Variants in CHAF1B observed in about 807,000 individuals in gnomAD.
The protein encoded by CHAF1B is chromatin assembly factor 1 subunit B, also known as CAF-1 subunit B.
In CHAF1B, 10 loss-of-function variants were observed where a neutral mutation model predicts 60.7. That is an observed-to-expected ratio of 0.16 (90% CI 0.10 to 0.28). CHAF1B has a LOEUF of 0.28. Ranked by LOEUF, CHAF1B falls within the 10% of genes least tolerant of loss-of-function variation. The probability of loss-of-function intolerance (pLI) is 1.00; values close to 1 mark genes in which losing one functional copy is unlikely to be tolerated. For missense variants in CHAF1B, 558 were observed against 708.4 expected (o/e 0.79, Z 2.41); for synonymous variants, 261 against 266.1 (o/e 0.98, Z 0.19).
chr21:36,404,498 G>C (rs1268817766), intron 8 of CHAF1B, among the ~76,000 whole-genome samples: 12 of 142,242 alleles, frequency 8.4e-5, no homozygotes, highest in South Asian at 2.3e-4. Context: ...GCAATGGCAC[G>C]ATCTCGGCTC....
rs55920360 is a variant in CHAF1B at position 36,391,907 on chromosome 21, A to ATTTTTT, written c.377+264_377+269dup. ...GCTACCATGCCCTGCTGATTTTTAAATTTTTTTTTTTTTTTTTTTTTTTTT... is the reference window on the plus strand; with the variant it reads ...GCTACCATGCCCTGCTGATTTTTAAATTTTTTTTTTTTTTTTTTTTTTTTTTTTTTT... On this transcript the variant is annotated intron_variant, in intron 4 of 13. Transcript: ENST00000314103. Among the ~76,000 whole-genome samples the ATTTTTT allele has an allele frequency of 7.5e-4, 50 of 67,034 alleles. 1 individual carries two copies. The highest frequency in any genetic ancestry group is 3.4e-3 in the African/African-American group (43 of 12,524). The allele number at this position is 67,034 out of a possible 152,430, so 44.0% of individuals were successfully genotyped here.
intron 3 of CHAF1B, among the ~76,000 whole-genome samples, chr21:36,389,803 G>A (rs536333514): frequency 1.3e-5 from 2 of 150,416 alleles, no homozygotes; most frequent in Non-Finnish European, 3.0e-5. Context: ...GTGTGTGTGC[G>A]CGCGCACGCT....
chr21:36,407,216 C>T (rs568111226), intron 8 of CHAF1B, among the ~76,000 whole-genome samples: 53 of 151,838 alleles, frequency 3.5e-4, no homozygotes, highest in African/African-American at 1.1e-3. Flanking sequence ...GCAGGAGAAT[C>T]GCTCCAACCC....
Position 36,415,383 on chromosome 21 carries a change from C to G in CHAF1B, c.1582C>G (p.Gln528Glu), listed in dbSNP as rs755621165. 9 of 1,578,554 alleles carry G rather than the reference C, an allele frequency of 5.7e-6. No homozygotes were observed. Among genetic ancestry groups the G allele is most frequent in the Non-Finnish European group, 7.0e-6 (8 of 1,147,834 alleles). The change falls in exon 13 of 14, where the codon CAG becomes GAG. Residue 528 changes from glutamine (Q) to glutamate (E), a missense_variant. Coordinates refer to ENST00000314103, the MANE Select transcript of CHAF1B (RefSeq NM_005441.3). ...VISTPSTEEIQSETPGDAQGS... is the reference protein window; with the variant it reads ...VISTPSTEEIESETPGDAQGS... ...TTCCACCCCTTCTACAGAAGAAATT[C>G]AGTCAGGTAAGTAATATTGTTACTG...
At chr21:36,405,693 A>G (rs1029358157) in intron 8 of CHAF1B, among the ~76,000 whole-genome samples, 2 of 152,266 alleles carry the variant, frequency 1.3e-5, no homozygotes, top group Admixed American at 1.3e-4. Context: ...GGCCTCCCAA[A>G]GAGCTGGGAT....
intron 8 of CHAF1B, among the ~76,000 whole-genome samples, chr21:36,407,301 A>T (rs1473695887): frequency 3.3e-5 from 3 of 89,804 alleles, no homozygotes; most frequent in African/African-American, 7.4e-5. Context: ...GACTCTGTCT[A>T]AAAAAAAAAA....
chr21:36,399,752 G>C (rs2086172071), intron 7 of CHAF1B, 147 bp downstream of exon 7: 1 of 670,888 alleles, frequency 1.5e-6, no homozygotes, highest in Non-Finnish European at 2.6e-6. Context: ...GGACAGTCAA[G>C]GCTCAGTTAC....
At chr21:36,394,935 T>C (rs2086125043) in intron 5 of CHAF1B, among the ~76,000 whole-genome samples, 1 of 152,048 alleles carries the variant, frequency 6.6e-6, no homozygotes, top group African/African-American at 2.4e-5. Flanking sequence ...TTCATCATGT[T>C]GGCCAGGCTG....
At chr21:36,411,314 A>T in intron 10 of CHAF1B, 149 bp from the exon 11 acceptor site, 2 of 872,610 alleles carry the variant, frequency 2.3e-6, no homozygotes, top group Non-Finnish European at 3.6e-6. Context: ...GGGTTTTGCC[A>T]TGTTGCTTAG....
chr21:36,409,416 T>A lies in CHAF1B; in HGVS notation c.870T>A (p.Ala290=). 1 of 1,614,022 alleles carries A rather than the reference T, an allele frequency of 6.2e-7. No individual in the cohort carries two copies. Among genetic ancestry groups the A allele is most frequent in the Non-Finnish European group, 8.5e-7 (1 of 1,179,972 alleles). Residue 290 remains alanine (A), a synonymous_variant, in exon 10 of 14, where the codon GCT becomes GCA. Transcript: ENST00000314103. ...HLPCPGKATL[A]VRCCPVYFEL... ...CATGTCCTGGAAAAGCCACTCTTGC[T>A]GTTCGCTGCTGTCCGGTCTACTTTG...
At chr21:36,392,868 A>G (rs774490978) in intron 4 of CHAF1B, among the ~76,000 whole-genome samples, 1 of 152,138 alleles carries the variant, frequency 6.6e-6, no homozygotes. Flanking sequence ...GGCGGCTGGG[A>G]GGTGGAGGTT....
At chr21:36,401,036 G>A (rs1319313726) in intron 7 of CHAF1B, among the ~76,000 whole-genome samples, 3 of 152,060 alleles carry the variant, frequency 2.0e-5, no homozygotes, top group South Asian at 2.1e-4. Flanking sequence ...GAAGGCAGAG[G>A]TGGGCAGATC....
intron 10 of CHAF1B, among the ~76,000 whole-genome samples, chr21:36,410,804 G>A (rs762787464): frequency 3.3e-5 from 5 of 151,996 alleles, no homozygotes; most frequent in Non-Finnish European, 7.4e-5. Flanking sequence ...AGGATTACAG[G>A]TGTGCGCCAC....
Position 36,412,752 on chromosome 21 carries a change from T to A in CHAF1B, c.1062-132T>A, listed in dbSNP as rs773318276. ...GCATGAGTGAGTCGCTATCACACAC[T>A]CTTTTCCAGTTGTATCTTTTCCCTG... On this transcript the variant is annotated intron_variant, in intron 11 of 13. Coordinates refer to ENST00000314103, the MANE Select transcript of CHAF1B (RefSeq NM_005441.3). 1.7e-4 allele frequency: 138 copies of A among 805,590 alleles called. 1 individual carries two copies. Among genetic ancestry groups the A allele is most frequent in the Non-Finnish European group, 2.6e-4 (136 of 513,534 alleles). The allele number at this position is 805,590 out of a possible 1,614,324, so 49.9% of individuals were successfully genotyped here.
At position 36,394,137 on chromosome 21, in the gene CHAF1B, C is replaced by T. The variant is rs139229934; in HGVS notation, c.378-410C>T. Among the ~76,000 whole-genome samples the T allele has an allele frequency of 7.9e-4, 119 of 149,798 alleles. 1 individual carries two copies. The highest frequency in any genetic ancestry group is 2.5e-3 in the African/African-American group (100 of 40,636). On this transcript the variant is annotated intron_variant, in intron 4 of 13. Coordinates refer to ENST00000314103, the MANE Select transcript of CHAF1B (RefSeq NM_005441.3). The stretch of plus-strand genomic sequence containing the variant: ...CTGTCGCCAGGCTGGAGTGTAGTGG[C>T]GCGATCTTGGCTCACTGCAATCTCT...
chr21:36,409,645 C>A (rs2086262253), intron 10 of CHAF1B, among the ~76,000 whole-genome samples, 180 bp downstream of exon 10: 1 of 151,578 alleles, frequency 6.6e-6, no homozygotes, highest in African/African-American at 2.4e-5. Context: ...ATTTTGAGAC[C>A]AGGTTATCAG....
rs1340386586 is a variant in CHAF1B, at chr21:36,391,764, A to G, written c.377+96A>G. The G allele has an allele frequency of 2.1e-5, 17 of 791,592 alleles. No individual in the cohort carries two copies. The Admixed American group carries it at 3.4e-4, about 16-fold the overall frequency. 49.0% of individuals were successfully genotyped at this position (791,592 alleles called of 1,614,324 possible). On this transcript the variant is annotated intron_variant, in intron 4 of 13. Transcript: ENST00000314103. The stretch of plus-strand genomic sequence containing the variant: ...CTTTTTTTTTCTTTTCTTTTGAGAT[A>G]GGGTCTCATTGTCGCCCAGGCTGGA...
chr21:36,389,798 TGTGC>T (rs1204825163), intron 3 of CHAF1B, among the ~76,000 whole-genome samples: 18 of 97,620 alleles, frequency 1.8e-4, no homozygotes, highest in African/African-American at 8.2e-4. Flanking sequence ...TGTGTGTGTG[TGTGC>T]GCGCGCACGC....
chr21:36,394,397 A>G (rs1569122220), intron 4 of CHAF1B, 150 bp from the exon 5 acceptor site: 2 of 618,074 alleles, frequency 3.2e-6, no homozygotes, highest in Non-Finnish European at 5.8e-6. Context: ...TTGAGTAGAG[A>G]TGGGATTTTA....
Sources: allele counts gnomAD v4.1 joint callset (sites outside exome capture counted in the v4.1 genomes callset), GRCh38; gene constraint gnomAD v4.1.1; transcripts MANE v1.5; gene names NCBI Gene and HGNC (gene_info 2026-07-23, HGNC 2026-07-21).